DMD: variants seen among roughly 807,000 people sequenced by gnomAD.
The protein encoded by DMD is dystrophin.
DMD carries 63 observed loss-of-function variants against 330.1 expected under a neutral mutation model. That is an observed-to-expected ratio of 0.19 (90% CI 0.16 to 0.24). The LOEUF is 0.24. Ranked by LOEUF, DMD falls within the 10% of genes least tolerant of loss-of-function variation. The pLI, the probability that DMD is intolerant of heterozygous loss-of-function variation, is 1.00. For synonymous variants in DMD, 1,223 were observed against 959.8 expected (o/e 1.27, Z -5.07); for missense variants, 3,344 against 2,684.1 (o/e 1.25, Z -5.43).
intron 27 of DMD, among the ~76,000 whole-genome samples, chrX:32,442,825 A>G (rs753166728): frequency 9.0e-6 from 1 of 111,175 alleles, no homozygotes; most frequent in South Asian, 3.7e-4. Context: ...AATCTCATCA[A>G]AAAGAACCAT....
chrX:32,588,699 G>C (rs919425358), intron 13 of DMD, among the ~76,000 whole-genome samples: 1 of 111,382 alleles, frequency 9.0e-6, no homozygotes, highest in African/African-American at 3.3e-5. Flanking sequence ...AGGACTTTGG[G>C]GGCTTATGAT....
At chrX:31,868,181 TC>T (rs1183751768) in intron 48 of DMD, among the ~76,000 whole-genome samples, 4 of 112,166 alleles carry the variant, frequency 3.6e-5, no homozygotes, top group African/African-American at 1.3e-4. Flanking sequence ...TAACTCAAGA[TC>T]AAGCAAGACA....
Position 31,212,585 on chromosome X carries a change from C to T in DMD, c.9362-2886G>A, listed in dbSNP as rs149500187. Among the ~76,000 whole-genome samples the T allele has an allele frequency of 2.8e-3, 313 of 111,599 alleles. 1 individual carries two copies. The highest frequency in any genetic ancestry group is 9.9e-3 in the African/African-American group (303 of 30,705). ...ATTCTTTTCCTTTCTATGTATGCCA[C>T]AGTAGCTAACTCTTGCTATTCCTTC... On this transcript the variant is annotated intron_variant, in intron 64 of 78. Transcript: ENST00000357033.
chrX:32,689,516 G>A (rs949310761), intron 9 of DMD, among the ~76,000 whole-genome samples: 2 of 111,010 alleles, frequency 1.8e-5, no homozygotes, highest in Non-Finnish European at 1.9e-5. Context: ...AATGCTTCAC[G>A]AACTCTTTGA....
intron 1 of DMD, among the ~76,000 whole-genome samples, chrX:33,311,069 C>A (rs1569559801): frequency 9.1e-6 from 1 of 110,096 alleles, no homozygotes; most frequent in African/African-American, 3.3e-5. Flanking sequence ...TACATATATA[C>A]ATAAATATCT....
chrX:31,370,086 G>A (rs1348708381), intron 60 of DMD, among the ~76,000 whole-genome samples: 18 of 79,908 alleles, frequency 2.3e-4, no homozygotes, highest in African/African-American at 7.5e-4. Context: ...GCGACAGAGC[G>A]AGGCTCCGTC....
intron 1 of DMD, among the ~76,000 whole-genome samples, chrX:33,163,604 A>C (rs12689686): frequency 1.9e-3 from 29 of 15,456 alleles, no homozygotes; most frequent in East Asian, 0.011. Flanking sequence ...ATATCTATAT[A>C]TATCTATATC....
At chrX:31,864,103 A>T (rs2093757164) in intron 48 of DMD, among the ~76,000 whole-genome samples, 1 of 111,276 alleles carries the variant, frequency 9.0e-6, no homozygotes. Flanking sequence ...AATAGATGTC[A>T]TCTTTAAAAT....
intron 1 of DMD, among the ~76,000 whole-genome samples, chrX:33,031,461 C>G (rs1602907409): frequency 9.0e-6 from 1 of 111,034 alleles, no homozygotes; most frequent in East Asian, 2.8e-4. Context: ...TGATCATGCA[C>G]TAGTTATGCA....
chrX:32,917,862 G>A (rs894403664), intron 2 of DMD, among the ~76,000 whole-genome samples: 1 of 110,865 alleles, frequency 9.0e-6, no homozygotes, highest in African/African-American at 3.3e-5. Flanking sequence ...GCCAGGATTT[G>A]CTCTGCCTGA....
chrX:33,163,403 G>A (rs1442997807), intron 1 of DMD, among the ~76,000 whole-genome samples: 9 of 109,047 alleles, frequency 8.3e-5, no homozygotes, highest in Non-Finnish European at 1.7e-4. Context: ...AGGCATGGTG[G>A]CACACGACTG....
chrX:33,124,657 CA>C (rs1180301383), intron 1 of DMD, among the ~76,000 whole-genome samples: 1 of 110,008 alleles, frequency 9.1e-6, no homozygotes, highest in Non-Finnish European at 1.9e-5. Flanking sequence ...TGATGAAAGA[CA>C]AGGTGTATAG....
At chrX:33,164,392 G>A (rs1158283269) in intron 1 of DMD, among the ~76,000 whole-genome samples, 3 of 112,318 alleles carry the variant, frequency 2.7e-5, no homozygotes. Flanking sequence ...CTGTTTAATT[G>A]TAATCCTTAG....
intron 55 of DMD, among the ~76,000 whole-genome samples, chrX:31,516,297 A>AAC (rs2072196008): frequency 6.6e-5 from 7 of 105,791 alleles, no homozygotes; most frequent in Admixed American, 5.2e-4. Context: ...AAAAAAAAAA[A>AAC]CCCGAAGTGG....
In DMD at chrX:32,368,371, T is replaced by A. The variant is rs967360968; in HGVS notation, c.4846-3172A>T. Among the ~76,000 whole-genome samples, 4 of 111,267 alleles carry A rather than the reference T, an allele frequency of 3.6e-5. No homozygotes were observed. In the East Asian group the frequency reaches 1.1e-3, roughly 31 times the overall value. On this transcript the variant is annotated intron_variant, in intron 34 of 78. Coordinates refer to ENST00000357033, the MANE Select transcript of DMD (RefSeq NM_004006.3). ...GAGCCATGGCTGGAATAAGCATGAA[T>A]GACTACAAGGGAAAGGTGACACTTG...
At position 32,560,103 on chromosome X, in the gene DMD, C is replaced by T. The variant is rs190577166; in HGVS notation, c.1992+5599G>A. ...ATGAGATATTTGAACCTTAATAAGT[C>T]ATACAACTTTCCTTATTCCTGAGAA... is the stretch of plus-strand genomic sequence containing the variant. On this transcript the variant is annotated intron_variant, in intron 16 of 78. Transcript: ENST00000357033. Among the ~76,000 whole-genome samples the T allele has an allele frequency of 6.4e-3, 693 of 109,029 alleles. 11 individuals are homozygous for T. Among genetic ancestry groups the T allele is most frequent in the African/African-American group, 0.022 (649 of 29,977 alleles). The allele number at this position is 109,029 out of a possible 115,157, so 94.7% of individuals were successfully genotyped here. A position where few individuals can be genotyped will look rare whatever the true frequency, so the allele number is the denominator to read the frequency against.
At chrX:33,221,800 G>A (rs1402929267) in intron 1 of DMD, among the ~76,000 whole-genome samples, 1 of 110,661 alleles carries the variant, frequency 9.0e-6, no homozygotes, top group African/African-American at 3.3e-5. Flanking sequence ...TCTTCAAAAG[G>A]CACAAACTAC....
chrX:32,020,702 A>C (rs1227597514), intron 44 of DMD, among the ~76,000 whole-genome samples: 1 of 112,285 alleles, frequency 8.9e-6, no homozygotes, highest in Non-Finnish European at 1.9e-5. Flanking sequence ...CAAGAAATAC[A>C]TTTCTGTTGC....
chrX:32,223,486 A>T (rs1432657870), intron 43 of DMD, among the ~76,000 whole-genome samples: 1 of 111,702 alleles, frequency 9.0e-6, no homozygotes, highest in African/African-American at 3.2e-5. Flanking sequence ...GTTTGGGGCT[A>T]TTACTATGCT....
Sources: allele counts gnomAD v4.1 joint callset (sites outside exome capture counted in the v4.1 genomes callset), GRCh38; gene constraint gnomAD v4.1.1; transcripts MANE v1.5; gene names NCBI Gene and HGNC (gene_info 2026-07-23, HGNC 2026-07-21).